TOE1: variants seen among roughly 807,000 people sequenced by gnomAD.
The protein encoded by TOE1 is target of EGR1, exonuclease, also known as target of EGR1 protein 1.
A neutral mutation model predicts 49.2 loss-of-function variants in TOE1; 50 were observed. The ratio of observed to expected loss-of-function variants is 1.02; its 90% CI spans 0.81 to 1.29. TOE1 has a LOEUF of 1.29. TOE1 is among the 50% of genes most tolerant of loss of function. TOE1 has a pLI of 0.00. For synonymous variants in TOE1, 221 were observed against 247.0 expected, an observed-to-expected ratio of 0.89 and a Z score of 0.99; for missense variants, 544 against 654.4, an observed-to-expected ratio of 0.83 and a Z score of 1.84.
rs1197825553 is a variant in TOE1, at chr1:45,340,939, G to A, written c.53-134G>A. 9.4e-6 allele frequency: 12 copies of A among 1,282,928 alleles called. No homozygotes were observed. The Admixed American group carries it at 2.3e-4, about 24-fold the overall frequency. 79.5% of individuals were successfully genotyped at this position (1,282,928 alleles called of 1,614,324 possible). A position where few individuals can be genotyped will look rare whatever the true frequency, so the allele number is the denominator to read the frequency against. On this transcript the variant is annotated intron_variant, in intron 1 of 7. Coordinates refer to ENST00000372090, the MANE Select transcript of TOE1 (RefSeq NM_025077.4). ...CCAAGGCCTGTGTGTAGAACACGTG[G>A]GTTACAAAGGCTTGTGGGAAAAGCT...
chr1:45,341,467 C>T lies in TOE1; in HGVS notation c.237-6C>T. 6.2e-7 allele frequency: 1 copy of T among 1,614,046 alleles called. No homozygotes were observed. The highest frequency in any genetic ancestry group is 1.7e-5 in the Admixed American group (1 of 60,000). ...AGCCACAGCAACCCCCATACCCAAC[C>T]CCAAGGTGCATTGAGGAACGTTACA... On this transcript the variant is annotated splice_polypyrimidine_tract_variant and splice_region_variant and intron_variant, in intron 3 of 7. Coordinates refer to ENST00000372090, the MANE Select transcript of TOE1 (RefSeq NM_025077.4).
intron 1 of TOE1, 57 bp from the exon 2 acceptor site, chr1:45,341,016 C>T: frequency 6.2e-7 from 1 of 1,609,472 alleles, no homozygotes; most frequent in Non-Finnish European, 8.5e-7. Flanking sequence ...AGCTTGGTGT[C>T]TGTTCCCCTG....
Position 45,342,870 on chromosome 1 carries a change from A to G in TOE1, c.780A>G (p.Ala260=), listed in dbSNP as rs147625597. The part of the protein sequence containing the change: ...KCERENGKQR[A]AGSPHLTLEF... ...AACGGGAAAATGGGAAGCAGCGGGC[A>G]GCTGGCAGCCCACACCTTACCCTGG... The change falls in exon 7 of 8, where the codon GCA becomes GCG. Residue 260 remains alanine, a synonymous_variant. Coordinates refer to ENST00000372090, the MANE Select transcript of TOE1 (RefSeq NM_025077.4). 13 of 1,614,144 alleles carry G rather than the reference A, an allele frequency of 8.1e-6. No individual in the cohort carries two copies. In the East Asian group the frequency reaches 2.9e-4, roughly 36 times the overall value.
chr1:45,342,008 T>C lies in TOE1; in HGVS notation c.393T>C (p.Tyr131=). The part of the protein sequence containing the change: ...FNLTLLCMEE[Y]VIEPKSVQFL... ...TCACTCTGCTGTGCATGGAGGAGTATGTCATAGAACCAAAGTCTGTGCAGT... is the reference window on the plus strand; with the variant it reads ...TCACTCTGCTGTGCATGGAGGAGTACGTCATAGAACCAAAGTCTGTGCAGT... Residue 131 remains tyrosine (Y), a synonymous_variant, in exon 5 of 8, where the codon TAT becomes TAC. Coordinates refer to ENST00000372090, the MANE Select transcript of TOE1 (RefSeq NM_025077.4). The C allele has an allele frequency of 6.2e-7, 1 of 1,614,054 alleles. No homozygotes were observed. Among genetic ancestry groups the C allele is most frequent in the Non-Finnish European group, 8.5e-7 (1 of 1,179,952 alleles).
At chr1:45,341,722 C>T (rs1646997104) in intron 4 of TOE1, among the ~76,000 whole-genome samples, 153 bp downstream of exon 4, 1 of 150,824 alleles carries the variant, frequency 6.6e-6, no homozygotes, top group African/African-American at 2.4e-5. Flanking sequence ...TTATGGGGAA[C>T]AGGTGGTGTT....
chr1:45,343,327 C>T lies in TOE1; in HGVS notation c.1158C>T (p.Ala386=), dbSNP rs889812068. The T allele has an allele frequency of 1.3e-5, 21 of 1,613,784 alleles. No homozygotes were observed. The highest frequency in any genetic ancestry group is 3.3e-5 in the Admixed American group (2 of 59,980). Reference sequence around the variant, plus strand: ...AAGAAACCGAGCAGGAGGTGGCTGCCGATGAAACTAGGAACCTGCCTCACT... The same window carrying T: ...AAGAAACCGAGCAGGAGGTGGCTGCTGATGAAACTAGGAACCTGCCTCACT... ...KPEETEQEVA[A]DETRNLPHSK... The change falls in exon 8 of 8, where the codon GCC becomes GCT. Residue 386 remains alanine (A), a synonymous_variant. Transcript: ENST00000372090. This position sits in a 1 kb window ranked among gnomAD's most constrained non-coding sequence, Gnocchi z 4.3.
At position 45,343,539 on chromosome 1, in the gene TOE1, G is replaced by T. The variant is rs1647089501; in HGVS notation, c.1370G>T (p.Ser457Ile). 1.2e-6 allele frequency: 2 copies of T among 1,613,960 alleles called. No homozygotes were observed. The highest frequency in any genetic ancestry group is 1.7e-6 in the Non-Finnish European group (2 of 1,180,020). ...TATGTGATGGCCTATGTGGAAGTGA[G>T]CCAGGGACCGCAGCCCTGCAGCTCT... ...TGYVMAYVEV[S>I]QGPQPCSSGP... is the part of the protein sequence containing the mutation. Residue 457 changes from serine (S) to isoleucine (I), a missense_variant, in exon 8 of 8, where the codon AGC (serine) becomes ATC (isoleucine). By Grantham distance (142) the Ser-to-Ile change is moderately radical (BLOSUM62 -2). Transcript: ENST00000372090. The surrounding 1 kb of genome is among the most constrained non-coding windows in gnomAD (Gnocchi z 4.3).
rs770607416 is a variant in TOE1 at position 45,343,403 on chromosome 1, C to CCTGA, written c.1235_1238dup (p.Glu413AspfsTer2). ...AGAGATGGGGATTAAGGCAGCAAGGCCTGAAATAGCTGATAGAGCTACCTC... is the reference window on the plus strand; with the variant it reads ...AGAGATGGGGATTAAGGCAGCAAGGCCTGACTGAAATAGCTGATAGAGCTACCTC... On this transcript the variant is annotated frameshift_variant, in exon 8 of 8. Coordinates refer to ENST00000372090, the MANE Select transcript of TOE1 (RefSeq NM_025077.4). LOFTEE classifies it high-confidence loss of function. The surrounding 1 kb of genome is among the most constrained non-coding windows in gnomAD (Gnocchi z 4.3). 1 of 1,614,070 alleles carries CCTGA rather than the reference C, an allele frequency of 6.2e-7. No homozygotes were observed. The highest frequency in any genetic ancestry group is 1.1e-5 in the South Asian group (1 of 91,072).
Position 45,340,232 on chromosome 1 carries a change from A to G in TOE1, c.-21A>G. On this transcript the variant is annotated 5_prime_UTR_variant, in exon 1 of 8. Coordinates refer to ENST00000372090, the MANE Select transcript of TOE1 (RefSeq NM_025077.4). ...AGTCCAGCGTACCCACAGACGACTCAGGCGGGAGACGAGCGGTGTCATGGC... is the reference window on the plus strand; with the variant it reads ...AGTCCAGCGTACCCACAGACGACTCGGGCGGGAGACGAGCGGTGTCATGGC... 1.9e-6 allele frequency: 3 copies of G among 1,613,848 alleles called. No individual in the cohort carries two copies. The highest frequency in any genetic ancestry group is 2.5e-6 in the Non-Finnish European group (3 of 1,180,028).
chr1:45,342,758 T>C (rs758563006), intron 6 of TOE1, 85 bp from the exon 7 acceptor site: 2 of 1,603,550 alleles, frequency 1.2e-6, no homozygotes, highest in East Asian at 2.2e-5. Context: ...TGCTGAGGAT[T>C]CAGCAGTGAA....
intron 5 of TOE1, 83 bp from the exon 6 acceptor site, chr1:45,342,301 G>C: frequency 6.4e-7 from 1 of 1,558,882 alleles, no homozygotes; most frequent in Non-Finnish European, 8.7e-7. Context: ...CGTTCCAAGT[G>C]GGGAAGTCTG....
At chr1:45,340,854 C>T (rs896559969) in intron 1 of TOE1, among the ~76,000 whole-genome samples, 2 of 152,186 alleles carry the variant, frequency 1.3e-5, no homozygotes, top group Non-Finnish European at 2.9e-5. Context: ...TTTACCCAGG[C>T]TCATACAAGC....
chr1:45,341,627 T>C (rs1330137246), intron 4 of TOE1, 58 bp downstream of exon 4: 7 of 1,472,282 alleles, frequency 4.8e-6, no homozygotes, highest in Non-Finnish European at 6.5e-6. Flanking sequence ...GGTAGAGAGA[T>C]TCTAGGGAAC....
intron 4 of TOE1, 117 bp downstream of exon 4, chr1:45,341,686 G>GTT (rs35345162): frequency 6.3e-4 from 494 of 779,458 alleles, no homozygotes; most frequent in Non-Finnish European, 8.5e-4. Context: ...TGACTTGATA[G>GTT]TTTTTTTTTT....
In TOE1 at chr1:45,340,321, A is replaced by C; in HGVS notation, c.52+17A>C. 6.2e-7 allele frequency: 1 copy of C among 1,609,712 alleles called. No individual in the cohort carries two copies. Reference sequence around the variant, plus strand: ...CTTCCGACGGTGAGCGGCTTCCCAGAGGTAGCCTTCAAAGCCTCTGCGCTC... The same window carrying C: ...CTTCCGACGGTGAGCGGCTTCCCAGCGGTAGCCTTCAAAGCCTCTGCGCTC... On this transcript the variant is annotated intron_variant, in intron 1 of 7. Transcript: ENST00000372090.
In TOE1 at chr1:45,341,565, ACAAGGTATGAGCTGATCTCACCC is replaced by A. The variant is rs1411584675; in HGVS notation, c.333_333+22del. 1.9e-6 allele frequency: 3 copies of A among 1,613,050 alleles called. No individual in the cohort carries two copies. Among genetic ancestry groups the A allele is most frequent in the Non-Finnish European group, 2.5e-6 (3 of 1,179,520 alleles). ...CTCGCCTGCTTCAAGCGGCAGCCAGACAAGGTATGAGCTGATCTCACCCCAATCCTAGGTGTGGCTGTGGGGTG... is the reference window on the plus strand; with the variant it reads ...CTCGCCTGCTTCAAGCGGCAGCCAGACAATCCTAGGTGTGGCTGTGGGGTG... On this transcript the variant is annotated splice_donor_variant and splice_donor_5th_base_variant and coding_sequence_variant and intron_variant, in exon 4 of 8. Coordinates refer to ENST00000372090, the MANE Select transcript of TOE1 (RefSeq NM_025077.4). LOFTEE classifies it high-confidence loss of function.
Position 45,343,292 on chromosome 1 carries a change from A to G in TOE1, c.1123A>G (p.Ile375Val). 1 of 1,614,056 alleles carries G rather than the reference A, an allele frequency of 6.2e-7. No individual in the cohort carries two copies. Among genetic ancestry groups the G allele is most frequent in the Non-Finnish European group, 8.5e-7 (1 of 1,180,026 alleles). Reference protein sequence around the residue: ...PPKKQVCGDSIKPEETEQEVA... With the variant: ...PPKKQVCGDSVKPEETEQEVA... ...CAAGAAGCAGGTCTGTGGGGATAGC[A>G]TCAAGCCTGAAGAAACCGAGCAGGA... The change falls in exon 8 of 8, where the codon ATC (isoleucine) becomes GTC (valine). Residue 375 changes from isoleucine to valine, a missense_variant. Coordinates refer to ENST00000372090, the MANE Select transcript of TOE1 (RefSeq NM_025077.4). This position sits in a 1 kb window ranked among gnomAD's most constrained non-coding sequence, Gnocchi z 4.3.
In TOE1 at chr1:45,343,537, G is replaced by A. The variant is rs371499714; in HGVS notation, c.1368G>A (p.Val456=). 1.9e-5 allele frequency: 30 copies of A among 1,613,974 alleles called. No homozygotes were observed. The highest frequency in any genetic ancestry group is 2.1e-5 in the Non-Finnish European group (25 of 1,180,028). The part of the protein sequence containing the change: ...MTGYVMAYVE[V]SQGPQPCSSG... ...GTTATGTGATGGCCTATGTGGAAGT[G>A]AGCCAGGGACCGCAGCCCTGCAGCT... Residue 456 remains valine, a synonymous_variant, in exon 8 of 8, where the codon GTG becomes GTA. Coordinates refer to ENST00000372090, the MANE Select transcript of TOE1 (RefSeq NM_025077.4). The surrounding 1 kb of genome is among the most constrained non-coding windows in gnomAD (Gnocchi z 4.3).
At position 45,342,999 on chromosome 1, in the gene TOE1, C is replaced by G; in HGVS notation, c.909C>G (p.Phe303Leu). ...ATCCCACCAGCATCTGTGACAACTT[C>G]TCGGTGAGAGCACCCACCTGTTTCT... Reference protein sequence around the residue: ...RPHPTSICDNFSAYGWCPLGP... With the variant: ...RPHPTSICDNLSAYGWCPLGP... Residue 303 changes from phenylalanine (F) to leucine (L), a missense_variant, in exon 7 of 8, where the codon TTC (phenylalanine) becomes TTG (leucine). Physicochemically the swap from Phe to Leu is conservative, Grantham distance 22. Coordinates refer to ENST00000372090, the MANE Select transcript of TOE1 (RefSeq NM_025077.4). 1 of 1,613,916 alleles carries G rather than the reference C, an allele frequency of 6.2e-7. No individual in the cohort carries two copies. Among genetic ancestry groups the G allele is most frequent in the South Asian group, 1.1e-5 (1 of 91,054 alleles).
Sources: allele counts gnomAD v4.1 joint callset (sites outside exome capture counted in the v4.1 genomes callset), GRCh38; gene constraint gnomAD v4.1.1; non-coding constraint Gnocchi (gnomAD v3.1); transcripts MANE v1.5; gene names NCBI Gene and HGNC (gene_info 2026-07-23, HGNC 2026-07-21).